Variants in AHSG observed in about 807,000 individuals in gnomAD.
The protein encoded by AHSG is alpha 2-HS glycoprotein, also known as alpha-2-HS-glycoprotein.
Under a neutral mutation model 30.1 loss-of-function variants are expected in AHSG, and 23 were observed. That is an observed-to-expected ratio of 0.76 (90% CI 0.55 to 1.08). The LOEUF (loss-of-function observed/expected upper bound fraction) is 1.08, where lower values mean the gene tolerates loss of function less well. AHSG is among the 50% of genes least tolerant of loss of function. AHSG has a pLI of 0.00. For synonymous variants in AHSG, 164 were observed against 186.3 expected, an observed-to-expected ratio of 0.88 and a Z score of 0.98; for missense variants, 469 against 459.5, an observed-to-expected ratio of 1.02 and a Z score of -0.19.
In AHSG at chr3:186,620,975, C is replaced by A. The variant is rs1057316552; in HGVS notation, c.*45C>A. The A allele has an allele frequency of 8.9e-6, 14 of 1,570,624 alleles. No individual in the cohort carries two copies. Among genetic ancestry groups the A allele is most frequent in the Non-Finnish European group, 1.1e-5 (13 of 1,150,792 alleles). On this transcript the variant is annotated 3_prime_UTR_variant, in exon 7 of 7. Transcript: ENST00000411641. ...AGGAGGTTTGGCACAGAAAACATAG[C>A]CACCATTTTGTCCAAGCCTGGGCAT...
intron 5 of AHSG, among the ~76,000 whole-genome samples, chr3:186,618,977 G>A (rs1716395393): frequency 6.6e-6 from 1 of 152,146 alleles, no homozygotes; most frequent in Non-Finnish European, 1.5e-5. Flanking sequence ...AGCCAATAAT[G>A]TACACTTCTA....
At position 186,618,603 on chromosome 3, in the gene AHSG, CA is replaced by C. The variant is rs1229582203; in HGVS notation, c.642del (p.Glu215ArgfsTer31). The C allele has an allele frequency of 1.9e-6, 3 of 1,614,122 alleles. No individual in the cohort carries two copies. The highest frequency in any genetic ancestry group is 2.5e-6 in the Non-Finnish European group (3 of 1,179,978). On this transcript the variant is annotated frameshift_variant, in exon 5 of 7. Coordinates refer to ENST00000411641, the MANE Select transcript of AHSG (RefSeq NM_001622.4). LOFTEE classifies it high-confidence loss of function. ...SGTDCVAKEA[T>X]EAAKCNLLAE... ...ACTGACTGTGTTGCTAAAGAGGCCA[CA>C]GAGGCAGCCAAGTGTAACCTGCTGG... is the stretch of plus-strand genomic sequence containing the variant.
rs1278652338 is a variant in AHSG at position 186,616,502 on chromosome 3, A to C, written c.384A>C (p.Val128=). The part of the protein sequence containing the change: ...LLKLDGKFSV[V]YAKCDSSPDS... ...AACTAGATGGCAAGTTTTCCGTGGT[A>C]TACGCAAAATGTGATTCCAGTCCAG... The change falls in exon 3 of 7, where the codon GTA becomes GTC. Residue 128 remains valine (V), a synonymous_variant. Coordinates refer to ENST00000411641, the MANE Select transcript of AHSG (RefSeq NM_001622.4). The C allele has an allele frequency of 6.2e-7, 1 of 1,612,646 alleles. No homozygotes were observed.
At position 186,619,907 on chromosome 3, in the gene AHSG, G is replaced by T. The variant is rs1182411841; in HGVS notation, c.726G>T (p.Glu242Asp). The change falls in exon 6 of 7, where the codon GAG becomes GAT. Residue 242 changes from glutamate (E) to aspartate (D), a missense_variant. By Grantham distance (45) the Glu-to-Asp change is conservative. Coordinates refer to ENST00000411641, the MANE Select transcript of AHSG (RefSeq NM_001622.4). Reference sequence around the variant, plus strand: ...TCAGTGAGAAGCTTGGTGGGGCAGAGGTTGCAGTGACCTGCATGGTGTTCC... The same window carrying T: ...TCAGTGAGAAGCTTGGTGGGGCAGATGTTGCAGTGACCTGCATGGTGTTCC... Reference protein sequence around the residue: ...ATLSEKLGGAEVAVTCMVFQT... With the variant: ...ATLSEKLGGADVAVTCMVFQT... 2 of 1,613,552 alleles carry T rather than the reference G, an allele frequency of 1.2e-6. No homozygotes were observed. The highest frequency in any genetic ancestry group is 1.7e-6 in the Non-Finnish European group (2 of 1,179,920).
chr3:186,613,622 A>C (rs183546649), intron 1 of AHSG, among the ~76,000 whole-genome samples: 38 of 152,316 alleles, frequency 2.5e-4, no homozygotes, highest in Admixed American at 2.2e-3. Flanking sequence ...GATCACAGAC[A>C]GAAAGTGTAA....
chr3:186,615,449 C>T (rs1269368407), intron 1 of AHSG, among the ~76,000 whole-genome samples: 1 of 152,200 alleles, frequency 6.6e-6, no homozygotes, highest in Non-Finnish European at 1.5e-5. Context: ...GTCTGCTTTG[C>T]GAGCATCATC....
At chr3:186,617,106 T>C in intron 3 of AHSG, 81 bp from the exon 4 acceptor site, 1 of 1,546,296 alleles carries the variant, frequency 6.5e-7, no homozygotes, top group Non-Finnish European at 8.7e-7. Flanking sequence ...GGGGAATGCC[T>C]TAGCCCTTGC....
At position 186,613,130 on chromosome 3, in the gene AHSG, T is replaced by C; in HGVS notation, c.-12T>C. ...CCACCTGCACGCCTGCCAGGGCCTC[T>C]CTGGGGCAGCCATGAAGTCCCTCGT... On this transcript the variant is annotated 5_prime_UTR_variant, in exon 1 of 7. Coordinates refer to ENST00000411641, the MANE Select transcript of AHSG (RefSeq NM_001622.4). 1 of 1,613,872 alleles carries C rather than the reference T, an allele frequency of 6.2e-7. No homozygotes were observed.
chr3:186,615,220 TA>T (rs1461318225), intron 1 of AHSG, among the ~76,000 whole-genome samples: 1 of 151,802 alleles, frequency 6.6e-6, no homozygotes, highest in Admixed American at 6.6e-5. Flanking sequence ...TAGAGGAGAT[TA>T]AAAAAAGACA....
rs181773787 is a variant in AHSG at position 186,617,180 on chromosome 3, C to T, written c.410-7C>T. 869 of 1,605,738 alleles carry T rather than the reference C, an allele frequency of 5.4e-4. 7 individuals carry two copies. Among genetic ancestry groups the T allele is most frequent in the African/African-American group, 1.3e-4 (10 of 74,920 alleles). On this transcript the variant is annotated splice_polypyrimidine_tract_variant and splice_region_variant and intron_variant, in intron 3 of 6. Transcript: ENST00000411641. Reference sequence around the variant, plus strand: ...TGCCCACATCCTGGTTTCCTCTCTCCGAGCAGACTCAGCCGAGGACGTGCG... The same window carrying T: ...TGCCCACATCCTGGTTTCCTCTCTCTGAGCAGACTCAGCCGAGGACGTGCG...
At chr3:186,620,075 G>T in intron 6 of AHSG, 135 bp downstream of exon 6, 1 of 596,758 alleles carries the variant, frequency 1.7e-6, no homozygotes, top group Non-Finnish European at 2.8e-6. Context: ...TAACACTGGG[G>T]TATGCGGAAT....
rs1276684483 is a variant in AHSG at position 186,621,097 on chromosome 3, C to T, written c.*167C>T. ...CTACTTCCCGTCATTCCTCACAGGACAGAAGCAGAGTGGGTGGTGGTTATG... is the reference window on the plus strand; with the variant it reads ...CTACTTCCCGTCATTCCTCACAGGATAGAAGCAGAGTGGGTGGTGGTTATG... On this transcript the variant is annotated 3_prime_UTR_variant, in exon 7 of 7. Coordinates refer to ENST00000411641, the MANE Select transcript of AHSG (RefSeq NM_001622.4). The T allele has an allele frequency of 7.4e-6, 5 of 672,600 alleles. No homozygotes were observed. Among genetic ancestry groups the T allele is most frequent in the Non-Finnish European group, 1.2e-5 (5 of 403,756 alleles). The allele number at this position is 672,600 out of a possible 1,614,324, so 41.7% of individuals were successfully genotyped here.
At chr3:186,618,411 T>G (rs1716375209) in intron 4 of AHSG, 125 bp from the exon 5 acceptor site, 1 of 1,465,138 alleles carries the variant, frequency 6.8e-7, no homozygotes, top group Non-Finnish European at 9.2e-7. Flanking sequence ...GGGACATGTC[T>G]TCTGGGCCGA....
At position 186,617,303 on chromosome 3, in the gene AHSG, A is replaced by G; in HGVS notation, c.526A>G (p.Asn176Asp). Residue 176 changes from asparagine to aspartate, a missense_variant, in exon 4 of 7, where the codon AAC becomes GAC. Asn to Asp is a conservative substitution (Grantham distance 23). Transcript: ENST00000411641. ...AALAAFNAQN[N>D]GSNFQLEEIS... Reference sequence around the variant, plus strand: ...CCTGGCCGCCTTCAACGCTCAGAACAACGGCTCCAATTTTCAGCTGGAGGA... The same window carrying G: ...CCTGGCCGCCTTCAACGCTCAGAACGACGGCTCCAATTTTCAGCTGGAGGA... 6.2e-7 allele frequency: 1 copy of G among 1,614,196 alleles called. No homozygotes were observed. Among genetic ancestry groups the G allele is most frequent in the Non-Finnish European group, 8.5e-7 (1 of 1,180,026 alleles).
chr3:186,619,952 G>T lies in AHSG; in HGVS notation c.759+12G>T. The T allele has an allele frequency of 6.2e-7, 1 of 1,600,476 alleles. No individual in the cohort carries two copies. Among genetic ancestry groups the T allele is most frequent in the Non-Finnish European group, 8.5e-7 (1 of 1,173,206 alleles). ...TGTTCCAAACACAGGTAACAGCTCC[G>T]TGAATATTCTTGCCTACACCTTCAG... On this transcript the variant is annotated intron_variant, in intron 6 of 6. Coordinates refer to ENST00000411641, the MANE Select transcript of AHSG (RefSeq NM_001622.4).
chr3:186,617,360 G>T lies in AHSG; in HGVS notation c.573+10G>T. The T allele has an allele frequency of 6.2e-7, 1 of 1,614,222 alleles. No individual in the cohort carries two copies. Among genetic ancestry groups the T allele is most frequent in the African/African-American group, 1.3e-5 (1 of 75,054 alleles). On this transcript the variant is annotated intron_variant, in intron 4 of 6. Coordinates refer to ENST00000411641, the MANE Select transcript of AHSG (RefSeq NM_001622.4). ...CCGGGCTCAGCTTGTGGTAAAGACT[G>T]AGATTCTTTTGACAGGTTGGGCAGT... is the stretch of plus-strand genomic sequence containing the variant.
intron 1 of AHSG, among the ~76,000 whole-genome samples, chr3:186,613,705 C>A (rs1467135468): frequency 6.6e-6 from 1 of 152,214 alleles, no homozygotes; most frequent in African/African-American, 2.4e-5. Flanking sequence ...AATCACGTAT[C>A]TGTCTTTGGT....
chr3:186,613,277 G>A lies in AHSG; in HGVS notation c.136G>A (p.Asp46Asn). 1 of 1,614,200 alleles carries A rather than the reference G, an allele frequency of 6.2e-7. No individual in the cohort carries two copies. Among genetic ancestry groups the A allele is most frequent in the Non-Finnish European group, 8.5e-7 (1 of 1,180,050 alleles). The change falls in exon 1 of 7, where the codon GAC becomes AAC. Residue 46 changes from aspartate to asparagine, a missense_variant. Transcript: ENST00000411641. ...TGAGGAAGCAGCTCTGGTGGCTATA[G>A]ACTACATCAATCAAAACCTTCCTTG... ...ETEEAALVAI[D>N]YINQNLPWGY... is the part of the protein sequence containing the mutation.
In AHSG at chr3:186,617,429, G is replaced by T; in HGVS notation, c.573+79G>T. The T allele has an allele frequency of 3.1e-6, 5 of 1,611,396 alleles. No homozygotes were observed. The South Asian group carries it at 5.5e-5, about 18-fold the overall frequency. ...TGTACTGTACGTGGTGGAGCGGGAG[G>T]CAGGGAAGAACAGGCGCAGGGGCAG... On this transcript the variant is annotated intron_variant, in intron 4 of 6. Transcript: ENST00000411641.
Sources: gnomAD v4.1 joint callset for allele counts (sites outside exome capture counted in the v4.1 genomes callset) on GRCh38, gnomAD v4.1.1 for gene constraint, MANE v1.5 for transcripts, NCBI Gene and HGNC (gene_info 2026-07-23, HGNC 2026-07-21) for gene names.